Variants in SCG5 observed in about 807,000 individuals in gnomAD.
SCG5 encodes neuroendocrine protein 7B2.
Under a neutral mutation model 25.7 loss-of-function variants are expected in SCG5, and 18 were observed. That is an observed-to-expected ratio of 0.70 (90% CI 0.48 to 1.04). The LOEUF (loss-of-function observed/expected upper bound fraction) is 1.04, where lower values mean the gene tolerates loss of function less well. Among genes scored for constraint, SCG5 ranks in the 50% least tolerant of loss-of-function variants. The probability of loss-of-function intolerance (pLI) is 0.00; values close to 1 mark genes in which losing one functional copy is unlikely to be tolerated. For synonymous variants in SCG5, 101 were observed against 91.7 expected, an observed-to-expected ratio of 1.10 and a Z score of -0.58; for missense variants, 206 against 259.8, an observed-to-expected ratio of 0.79 and a Z score of 1.42.
At chr15:32,658,155 G>C (rs1458626859) in intron 2 of SCG5, among the ~76,000 whole-genome samples, 1 of 152,158 alleles carries the variant, frequency 6.6e-6, no homozygotes, top group East Asian at 1.9e-4. Context: ...CTGATATCCA[G>C]GGAATGGCAA....
chr15:32,669,926 A>G (rs1392439892), intron 2 of SCG5, among the ~76,000 whole-genome samples: 3 of 152,246 alleles, frequency 2.0e-5, no homozygotes, highest in African/African-American at 7.2e-5. Context: ...CTTAAGCAAA[A>G]TACCTTAAAA....
At chr15:32,679,945 A>T (rs1245637563) in intron 3 of SCG5, 30 bp downstream of exon 3, 2 of 1,567,430 alleles carry the variant, frequency 1.3e-6, no homozygotes, top group Admixed American at 3.9e-5. Flanking sequence ...GTTCCCATGA[A>T]AAGTTGGGGC....
intron 5 of SCG5, among the ~76,000 whole-genome samples, chr15:32,693,153 G>C (rs1194922968): frequency 6.6e-6 from 1 of 152,080 alleles, no homozygotes; most frequent in Non-Finnish European, 1.5e-5. Flanking sequence ...TTCCAAATAA[G>C]AGCAATGACT....
Position 32,648,972 on chromosome 15 carries a change from C to T in SCG5, c.226+5154C>T, listed in dbSNP as rs570638174. On this transcript the variant is annotated intron_variant, in intron 2 of 5. Coordinates refer to ENST00000300175, the MANE Select transcript of SCG5 (RefSeq NM_001144757.3). ...GTTTTTAGTAGAGACGGGGTTTCAC[C>T]GTGTTAGCCTCCTGACCTCGTGATC... 3.0e-4 allele frequency among the ~76,000 whole-genome samples: 45 copies of T among 152,210 alleles called. 1 individual carries two copies. In the South Asian group the frequency reaches 7.7e-3, roughly 26 times the overall value.
chr15:32,652,200 G>C (rs886574685), intron 2 of SCG5, among the ~76,000 whole-genome samples: 1 of 152,170 alleles, frequency 6.6e-6, no homozygotes, highest in Non-Finnish European at 1.5e-5. Flanking sequence ...GTGTTCACTG[G>C]GGGTAGCAAC....
At position 32,663,069 on chromosome 15, in the gene SCG5, AT is replaced by A. The variant is rs1595799518; in HGVS notation, c.227-16696del. On this transcript the variant is annotated intron_variant, in intron 2 of 5. Transcript: ENST00000300175. Reference sequence around the variant, plus strand: ...TATATATATATATATATATATATATATATATATATAATATATAATATGTTAT... The same window carrying A: ...TATATATATATATATATATATATATAATATATATAATATATAATATGTTAT... Among the ~76,000 whole-genome samples, 30 of 53,762 alleles carry A rather than the reference AT, an allele frequency of 5.6e-4. 1 individual carries two copies. The highest frequency in any genetic ancestry group is 0.012 in the Middle Eastern group (1 of 86). The allele number at this position is 53,762 out of a possible 152,430, so 35.3% of individuals were successfully genotyped here.
At chr15:32,684,448 G>A in intron 3 of SCG5, 109 bp from the exon 4 acceptor site, 1 of 687,786 alleles carries the variant, frequency 1.5e-6, no homozygotes, top group Non-Finnish European at 2.6e-6. Flanking sequence ...AGTTACTACT[G>A]ATGTGAACAG....
At chr15:32,662,895 G>A (rs963903758) in intron 2 of SCG5, among the ~76,000 whole-genome samples, 2 of 151,576 alleles carry the variant, frequency 1.3e-5, no homozygotes, top group East Asian at 1.9e-4. Context: ...GGTCACAAGC[G>A]AGGTGATTGG....
At chr15:32,690,120 C>G (rs994608599) in intron 4 of SCG5, among the ~76,000 whole-genome samples, 6 of 152,130 alleles carry the variant, frequency 3.9e-5, no homozygotes, top group Admixed American at 1.3e-4. Context: ...GGGCACATTT[C>G]TTTTTGAATG....
At chr15:32,643,273 G>A (rs959465656) in intron 1 of SCG5, among the ~76,000 whole-genome samples, 1 of 152,176 alleles carries the variant, frequency 6.6e-6, no homozygotes, top group African/African-American at 2.4e-5. Context: ...GAAGTTAGGA[G>A]TAATGCAGAA....
intron 2 of SCG5, among the ~76,000 whole-genome samples, chr15:32,657,252 A>G (rs1338491752): frequency 1.3e-5 from 1 of 79,124 alleles, no homozygotes; most frequent in Non-Finnish European, 2.6e-5. Flanking sequence ...GGATTGGAAG[A>G]TAGTCATATC....
intron 2 of SCG5, among the ~76,000 whole-genome samples, chr15:32,667,881 G>T (rs1182983792): frequency 6.6e-6 from 1 of 152,028 alleles, no homozygotes; most frequent in Non-Finnish European, 1.5e-5. Context: ...CACCATGTTG[G>T]CCAGGCTGGT....
chr15:32,646,279 G>T (rs765969980), intron 2 of SCG5, among the ~76,000 whole-genome samples: 1 of 152,246 alleles, frequency 6.6e-6, no homozygotes, highest in Non-Finnish European at 1.5e-5. Context: ...GTTTGGTGCG[G>T]ATTAGTGTTC....
At position 32,653,356 on chromosome 15, in the gene SCG5, G is replaced by A. The variant is rs140564493; in HGVS notation, c.226+9538G>A. Among the ~76,000 whole-genome samples the A allele has an allele frequency of 2.6e-5, 4 of 152,220 alleles. No individual in the cohort carries two copies. In the East Asian group the frequency reaches 5.8e-4, roughly 22 times the overall value. ...AACAACTCCTGAAATTAAGTTTGCT[G>A]TATGGCAACTACTAATTGCTCTGCC... On this transcript the variant is annotated intron_variant, in intron 2 of 5. Coordinates refer to ENST00000300175, the MANE Select transcript of SCG5 (RefSeq NM_001144757.3).
In SCG5 at chr15:32,679,803, T is replaced by G. The variant is rs563833101; in HGVS notation, c.264T>G (p.Phe88Leu). The change falls in exon 3 of 6, where the codon TTT becomes TTG. Residue 88 changes from phenylalanine to leucine, a missense_variant. Physicochemically the swap from Phe to Leu is conservative, Grantham distance 22 (BLOSUM62 0). Coordinates refer to ENST00000300175, the MANE Select transcript of SCG5 (RefSeq NM_001144757.3). ...AAGGACTTCAGCATTTGGGTCCTTTTGGCAACATCCCCAACATCGTGGCAG... is the reference window on the plus strand; with the variant it reads ...AAGGACTTCAGCATTTGGGTCCTTTGGGCAACATCCCCAACATCGTGGCAG... The part of the protein sequence containing the change: ...AHEGLQHLGP[F>L]GNIPNIVAEL... The G allele has an allele frequency of 3.1e-6, 5 of 1,613,986 alleles. No homozygotes were observed. The highest frequency in any genetic ancestry group is 4.2e-6 in the Non-Finnish European group (5 of 1,179,856).
intron 4 of SCG5, among the ~76,000 whole-genome samples, chr15:32,690,831 G>A (rs1171030708): frequency 1.3e-5 from 2 of 148,416 alleles, no homozygotes; most frequent in South Asian, 2.1e-4. Flanking sequence ...TAATGTCAGA[G>A]TATTTTATTT....
At chr15:32,669,850 C>T (rs1429552734) in intron 2 of SCG5, among the ~76,000 whole-genome samples, 1 of 146,696 alleles carries the variant, frequency 6.8e-6, no homozygotes, top group Non-Finnish European at 1.5e-5. Flanking sequence ...AGTAAACAGC[C>T]AAAACAAACA....
chr15:32,647,514 A>C (rs189118363), intron 2 of SCG5, among the ~76,000 whole-genome samples: 3,673 of 152,288 alleles, frequency 0.024, 155 homozygotes, highest in African/African-American at 0.084. Context: ...ATTAAAAAAA[A>C]CATATCTTCT....
At chr15:32,645,219 G>A (rs976280669) in intron 2 of SCG5, among the ~76,000 whole-genome samples, 23 of 152,304 alleles carry the variant, frequency 1.5e-4, no homozygotes, top group African/African-American at 4.8e-4. Context: ...ACCTTTTTAA[G>A]GCAGGAAGTG....
Sources: gnomAD v4.1 joint callset for allele counts (sites outside exome capture counted in the v4.1 genomes callset) on GRCh38, gnomAD v4.1.1 for gene constraint, MANE v1.5 for transcripts, NCBI Gene and HGNC (gene_info 2026-07-23, HGNC 2026-07-21) for gene names.